Variants in INVS observed in about 807,000 individuals in gnomAD.
The protein encoded by INVS is inversin.
INVS carries 86 observed loss-of-function variants against 108.8 expected under a neutral mutation model. The observed-to-expected ratio is 0.79, with a 90% CI of 0.66 to 0.95. INVS has a LOEUF of 0.95. Among genes scored for constraint, INVS ranks in the 40% least tolerant of loss-of-function variants. The pLI, the probability that INVS is intolerant of heterozygous loss-of-function variation, is 0.00. For missense variants in INVS, 1,169 were observed against 1,297.4 expected, an observed-to-expected ratio of 0.90 and a Z score of 1.52; for synonymous variants, 455 against 473.5, an observed-to-expected ratio of 0.96 and a Z score of 0.51.
chr9:100,103,542 T>G (rs907802684), intron 1 of INVS, among the ~76,000 whole-genome samples: 1 of 152,004 alleles, frequency 6.6e-6, no homozygotes, highest in African/African-American at 2.4e-5. Context: ...GCAGGAGACT[T>G]GCTTGAGCCC....
intron 5 of INVS, among the ~76,000 whole-genome samples, chr9:100,236,809 G>A (rs903375502): frequency 5.3e-5 from 8 of 152,222 alleles, no homozygotes; most frequent in Non-Finnish European, 1.2e-4. Context: ...CTGCTGGGAG[G>A]TGTCTCCCAG....
chr9:100,107,587 C>T (rs1827218287), intron 2 of INVS, among the ~76,000 whole-genome samples: 1 of 152,142 alleles, frequency 6.6e-6, no homozygotes, highest in Non-Finnish European at 1.5e-5. Flanking sequence ...ACGCTGTTCT[C>T]CCTATTCTCT....
intron 3 of INVS, among the ~76,000 whole-genome samples, chr9:100,200,585 G>T (rs10989013): frequency 3.1e-4 from 47 of 152,130 alleles, no homozygotes; most frequent in Admixed American, 2.9e-3. Flanking sequence ...TGAGATTTCA[G>T]TGGGAAGTCT....
At chr9:100,252,216 C>A in intron 8 of INVS, 67 bp from the exon 9 acceptor site, 1 of 1,437,570 alleles carries the variant, frequency 7.0e-7, no homozygotes, top group Non-Finnish European at 9.8e-7. Flanking sequence ...GAGGAAAAGA[C>A]ATATAATAAT....
intron 12 of INVS, among the ~76,000 whole-genome samples, chr9:100,277,836 G>A (rs566885830): frequency 6.6e-6 from 1 of 152,222 alleles, no homozygotes; most frequent in East Asian, 1.9e-4. Flanking sequence ...AACACCAACT[G>A]AAAAGGTTAG....
chr9:100,194,045 C>G (rs528817374), intron 3 of INVS, among the ~76,000 whole-genome samples: 2 of 152,338 alleles, frequency 1.3e-5, no homozygotes, highest in South Asian at 4.1e-4. Context: ...GAACATTCAT[C>G]TGTAAGCATA....
intron 8 of INVS, among the ~76,000 whole-genome samples, chr9:100,249,745 CG>C (rs1322883007): frequency 1.3e-5 from 2 of 151,616 alleles, no homozygotes; most frequent in African/African-American, 4.8e-5. Flanking sequence ...CCACCCACCT[CG>C]GCCTCCCAAA....
At chr9:100,188,710 A>G (rs1830129347) in intron 3 of INVS, among the ~76,000 whole-genome samples, 1 of 149,076 alleles carries the variant, frequency 6.7e-6, no homozygotes, top group African/African-American at 2.5e-5. Flanking sequence ...GTAGAATGAG[A>G]TAGGGAGGAT....
chr9:100,151,050 T>G (rs1828793557), intron 3 of INVS, among the ~76,000 whole-genome samples: 1 of 152,142 alleles, frequency 6.6e-6, no homozygotes, highest in South Asian at 2.1e-4. Flanking sequence ...GATGGTGACA[T>G]GTGAAGCAAG....
intron 3 of INVS, among the ~76,000 whole-genome samples, chr9:100,140,686 G>A (rs1564129458): frequency 6.6e-6 from 1 of 152,142 alleles, no homozygotes; most frequent in Non-Finnish European, 1.5e-5. Context: ...AGAGATAATG[G>A]GCGATGTTTC....
At chr9:100,242,709 C>G (rs770225829) in intron 7 of INVS, 30 bp downstream of exon 7, 1 of 1,263,686 alleles carries the variant, frequency 7.9e-7, no homozygotes, top group African/African-American at 1.5e-5. Context: ...GCTCTTTTTT[C>G]TTAGTGAAAA....
intron 4 of INVS, among the ~76,000 whole-genome samples, chr9:100,228,751 C>T (rs186084859): frequency 3.9e-4 from 60 of 152,284 alleles, no homozygotes; most frequent in African/African-American, 1.1e-3. Flanking sequence ...ACTTAGGTTC[C>T]GTGTGCTGTT....
chr9:100,173,446 G>T (rs750892048), intron 3 of INVS, among the ~76,000 whole-genome samples: 5 of 152,170 alleles, frequency 3.3e-5, no homozygotes, highest in Non-Finnish European at 7.4e-5. Flanking sequence ...AGATGTTTCA[G>T]GCTGGGTGCA....
At chr9:100,203,670 T>C (rs1830595958) in intron 3 of INVS, among the ~76,000 whole-genome samples, 1 of 152,002 alleles carries the variant, frequency 6.6e-6, no homozygotes, top group Non-Finnish European at 1.5e-5. Context: ...GCGTGGCTAA[T>C]TTTTGTATTT....
rs1388532140 is a variant in INVS at position 100,101,005 on chromosome 9, ATATAT to A, written c.-25+1595_-25+1599del. Among the ~76,000 whole-genome samples, 6 of 95,962 alleles carry A rather than the reference ATATAT, an allele frequency of 6.3e-5. No homozygotes were observed. The East Asian group carries it at 9.7e-4, about 16-fold the overall frequency. The allele number at this position is 95,962 out of a possible 152,430, so 63.0% of individuals were successfully genotyped here. A position where few individuals can be genotyped will look rare whatever the true frequency, so the allele number is the denominator to read the frequency against. On this transcript the variant is annotated intron_variant, in intron 1 of 16. Coordinates refer to ENST00000262457, the MANE Select transcript of INVS (RefSeq NM_014425.5). ...TATAATATATATGTATATATAATAT[ATATAT>A]TATATGTATATATATTATATATATT...
chr9:100,195,004 G>C (rs1830329935), intron 3 of INVS, among the ~76,000 whole-genome samples: 1 of 152,256 alleles, frequency 6.6e-6, no homozygotes, highest in East Asian at 1.9e-4. Flanking sequence ...TGCATCATAG[G>C]AGCAAAAAGA....
chr9:100,203,661 CG>C (rs1830595549), intron 3 of INVS, among the ~76,000 whole-genome samples: 1 of 151,902 alleles, frequency 6.6e-6, no homozygotes, highest in African/African-American at 2.4e-5. Flanking sequence ...CGCCACCATG[CG>C]TGGCTAATTT....
intron 3 of INVS, among the ~76,000 whole-genome samples, chr9:100,149,687 A>C (rs1357662027): frequency 2.6e-5 from 4 of 152,196 alleles, no homozygotes; most frequent in Non-Finnish European, 5.9e-5. Flanking sequence ...ATTATAGTTT[A>C]TGTACTTCTA....
At chr9:100,100,982 T>C (rs1412962220) in intron 1 of INVS, among the ~76,000 whole-genome samples, 1 of 76,182 alleles carries the variant, frequency 1.3e-5, no homozygotes, top group African/African-American at 6.5e-5. Context: ...ATTATATATA[T>C]AATATATATG....
Sources: gnomAD v4.1 joint callset for allele counts (sites outside exome capture counted in the v4.1 genomes callset) on GRCh38, gnomAD v4.1.1 for gene constraint, MANE v1.5 for transcripts, NCBI Gene and HGNC (gene_info 2026-07-23, HGNC 2026-07-21) for gene names.